The following BRF1 variants were observed in gnomAD, a reference collection of about 807,000 sequenced individuals.
The protein encoded by BRF1 is transcription factor IIIB 90 kDa subunit.
Under a neutral mutation model 81.7 loss-of-function variants are expected in BRF1, and 59 were observed. That is an observed-to-expected ratio of 0.72 (90% CI 0.59 to 0.90). The LOEUF is 0.90. Ranked by LOEUF, BRF1 falls within the 40% of genes least tolerant of loss-of-function variation. BRF1 has a pLI of 0.00. For missense variants in BRF1, 1,050 were observed against 936.3 expected (o/e 1.12, Z -1.58); for synonymous variants, 491 against 395.6 (o/e 1.24, Z -2.86).
intron 2 of BRF1, among the ~76,000 whole-genome samples, chr14:105,277,947 G>C (rs1168938300): frequency 1.3e-5 from 2 of 151,984 alleles, no homozygotes; most frequent in Non-Finnish European, 1.5e-5. Flanking sequence ...GTACAGACAG[G>C]GTTTCACACT....
intron 5 of BRF1, chr14:105,247,450 T>A (rs2055197058): frequency 3.0e-6 from 3 of 985,302 alleles, no homozygotes; most frequent in Non-Finnish European, 3.6e-6. Context: ...GCCCGTTTTT[T>A]AAAAAACTGG....
chr14:105,315,043 C>G lies in BRF1; in HGVS notation c.-162+279G>C. ...AGCCCCAGCTGCGTGCCCAGGTACGCGCCGCCCGCCGCGCTTTGTTCCCGC... is the reference window on the plus strand; with the variant it reads ...AGCCCCAGCTGCGTGCCCAGGTACGGGCCGCCCGCCGCGCTTTGTTCCCGC... On this transcript the variant is annotated intron_variant, in intron 1 of 17. Transcript: ENST00000327359. This position sits in a 1 kb window ranked among gnomAD's most constrained non-coding sequence, Gnocchi z 4.4. 8.5e-7 allele frequency: 1 copy of G among 1,172,100 alleles called. No homozygotes were observed. The highest frequency in any genetic ancestry group is 1.1e-6 in the Non-Finnish European group (1 of 939,902). The allele number at this position is 1,172,100 out of a possible 1,614,324, so 72.6% of individuals were successfully genotyped here.
chr14:105,304,536 C>T (rs587691076), upstream of BRF1, among the ~76,000 whole-genome samples: 1 of 152,200 alleles, frequency 6.6e-6, no homozygotes, highest in East Asian at 1.9e-4. Flanking sequence ...GGGTGAGGCT[C>T]TACTGGGCAA....
intron 11 of BRF1, among the ~76,000 whole-genome samples, chr14:105,220,926 T>C (rs981231222): frequency 2.0e-5 from 3 of 152,196 alleles, no homozygotes; most frequent in Admixed American, 6.5e-5. Context: ...GGCCTGTGCA[T>C]GTCCCCTCTG....
intron 5 of BRF1, chr14:105,249,808 T>C (rs1314047056): frequency 6.2e-7 from 1 of 1,613,632 alleles, no homozygotes. Flanking sequence ...GCCGGCTGTT[T>C]GAGGAGCCCG....
chr14:105,315,039 T>C lies in BRF1; in HGVS notation c.-162+283A>G. 8.5e-7 allele frequency: 1 copy of C among 1,179,936 alleles called. No individual in the cohort carries two copies. Among genetic ancestry groups the C allele is most frequent in the Non-Finnish European group, 1.1e-6 (1 of 943,852 alleles). The allele number at this position is 1,179,936 out of a possible 1,614,324, so 73.1% of individuals were successfully genotyped here. On this transcript the variant is annotated intron_variant, in intron 1 of 17. Coordinates refer to the BRF1 transcript ENST00000327359. The surrounding 1 kb of genome is among the most constrained non-coding windows in gnomAD (Gnocchi z 4.4). The stretch of plus-strand genomic sequence containing the variant: ...CTCCAGCCCCAGCTGCGTGCCCAGG[T>C]ACGCGCCGCCCGCCGCGCTTTGTTC...
rs2057240150 is a variant in BRF1, at chr14:105,284,496, C to G, written c.265+1800G>C. On this transcript the variant is annotated intron_variant, in intron 2 of 17. Coordinates refer to ENST00000547530, the MANE Select transcript of BRF1 (RefSeq NM_001519.4). The surrounding 1 kb of genome is among the most constrained non-coding windows in gnomAD (Gnocchi z 4.0). ...CTCCTGGAGATGGCCCAGGAGAAAA[C>G]AGCCAGGGTGACGTGCTGTCCACAA... Among the ~76,000 whole-genome samples, 1 of 152,276 alleles carries G rather than the reference C, an allele frequency of 6.6e-6. No individual in the cohort carries two copies. Among genetic ancestry groups the G allele is most frequent in the Admixed American group, 6.5e-5 (1 of 15,292 alleles).
At chr14:105,267,232 G>T (rs969190886) in intron 3 of BRF1, among the ~76,000 whole-genome samples, 1 of 152,044 alleles carries the variant, frequency 6.6e-6, no homozygotes, top group African/African-American at 2.4e-5. Flanking sequence ...AGACACCACC[G>T]ACAAGGGGCC....
intron 1 of BRF1, among the ~76,000 whole-genome samples, chr14:105,292,886 C>T (rs1281830694): frequency 1.3e-5 from 2 of 152,112 alleles, no homozygotes; most frequent in Non-Finnish European, 1.5e-5. Flanking sequence ...AGGTCCAGAC[C>T]CCTTCCCAAG....
At chr14:105,252,686 C>A in intron 4 of BRF1, 107 bp from the exon 5 acceptor site, 1 of 1,222,384 alleles carries the variant, frequency 8.2e-7, no homozygotes, top group Non-Finnish European at 1.1e-6. Flanking sequence ...ACTCCGATGG[C>A]CCGTGGAGCA....
chr14:105,211,168 C>A lies in BRF1; in HGVS notation c.1950G>T (p.Glu650Asp), dbSNP rs753610440. ...EEADEEEPDE[E>D]DGEPCVSALQ... The stretch of plus-strand genomic sequence containing the variant: ...GGGCACTGACGCAGGGCTCCCCGTC[C>A]TCCTCGTCAGGCTCCTCCTCGTCAG... The change falls in exon 17 of 18, where the codon GAG (glutamate) becomes GAT (aspartate). Residue 650 changes from glutamate to aspartate, a missense_variant. Physicochemically the swap from Glu to Asp is conservative, Grantham distance 45. Coordinates refer to ENST00000547530, the MANE Select transcript of BRF1 (RefSeq NM_001519.4). 3 of 1,612,484 alleles carry A rather than the reference C, an allele frequency of 1.9e-6. No individual in the cohort carries two copies. Among genetic ancestry groups the A allele is most frequent in the Non-Finnish European group, 2.5e-6 (3 of 1,179,900 alleles).
At chr14:105,241,047 G>C (rs1052713203) in intron 6 of BRF1, among the ~76,000 whole-genome samples, 1 of 152,208 alleles carries the variant, frequency 6.6e-6, no homozygotes, top group South Asian at 2.1e-4. Flanking sequence ...TGAGAGTTCT[G>C]CCCCTTATGC....
chr14:105,287,307 G>T (rs1382097919), intron 1 of BRF1, among the ~76,000 whole-genome samples: 3 of 152,198 alleles, frequency 2.0e-5, no homozygotes, highest in Non-Finnish European at 4.4e-5. Context: ...TGGACATGTG[G>T]ATTGTTCACC....
chr14:105,211,022 T>C, intron 17 of BRF1, 100 bp downstream of exon 17: 1 of 1,510,738 alleles, frequency 6.6e-7, no homozygotes, highest in East Asian at 2.3e-5. Context: ...AAACAGAAAT[T>C]TAGTTTGAAG....
chr14:105,274,851 T>C (rs1360372301), intron 2 of BRF1, among the ~76,000 whole-genome samples: 1 of 152,168 alleles, frequency 6.6e-6, no homozygotes, highest in Non-Finnish European at 1.5e-5. Context: ...ACAGTGGGCG[T>C]CGTGGGCAGG....
chr14:105,279,240 C>T (rs1467462823), intron 2 of BRF1, among the ~76,000 whole-genome samples: 2 of 151,960 alleles, frequency 1.3e-5, no homozygotes, highest in Non-Finnish European at 2.9e-5. Context: ...AGTTTCTGTT[C>T]GTCAAAAGAC....
intron 10 of BRF1, 93 bp downstream of exon 10, chr14:105,225,976 C>A (rs1373840050): frequency 5.5e-6 from 7 of 1,270,754 alleles, no homozygotes; most frequent in Non-Finnish European, 5.5e-6. Context: ...TAATCCCCTT[C>A]CCTTTCCAGG....
rs1380378798 is a variant in BRF1, at chr14:105,300,640, G to A, written c.-11C>T. ...CACGCGGCCCGTCATGCCGGCGACC[G>A]CGCGGGCAGCGCCCGGAGCCTCCCA... On this transcript the variant is annotated 5_prime_UTR_variant, in exon 1 of 18. Transcript: ENST00000547530. The A allele has an allele frequency of 7.4e-7, 1 of 1,352,352 alleles. No individual in the cohort carries two copies. Among genetic ancestry groups the A allele is most frequent in the East Asian group, 3.1e-5 (1 of 32,498 alleles). The allele number at this position is 1,352,352 out of a possible 1,614,324, so 83.8% of individuals were successfully genotyped here.
intron 4 of BRF1, among the ~76,000 whole-genome samples, chr14:105,253,398 C>T (rs1223709085): frequency 6.6e-6 from 1 of 152,198 alleles, no homozygotes; most frequent in Non-Finnish European, 1.5e-5. Context: ...CAGGCTTGCC[C>T]CTGGGGCCCC....
Sources: gnomAD v4.1 joint callset for allele counts (sites outside exome capture counted in the v4.1 genomes callset) on GRCh38, gnomAD v4.1.1 for gene constraint, Gnocchi (gnomAD v3.1) non-coding constraint, MANE v1.5 for transcripts, NCBI Gene and HGNC (gene_info 2026-07-23, HGNC 2026-07-21) for gene names.